ADAMTS3: variants seen among roughly 807,000 people sequenced by gnomAD.
ADAMTS3 encodes A disintegrin and metalloproteinase with thrombospondin motifs 3.
In ADAMTS3, 73 loss-of-function variants were observed where a neutral mutation model predicts 129.0. That is an observed-to-expected ratio of 0.57 (90% CI 0.47 to 0.69). ADAMTS3 has a LOEUF of 0.69. Among genes scored for constraint, ADAMTS3 ranks in the 30% least tolerant of loss-of-function variants. ADAMTS3 has a pLI of 0.00. For missense variants in ADAMTS3, 1,457 were observed against 1,514.5 expected, an observed-to-expected ratio of 0.96 and a Z score of 0.63; for synonymous variants, 477 against 510.8, an observed-to-expected ratio of 0.93 and a Z score of 0.89.
At chr4:72,410,863 C>A (rs920834132) in intron 4 of ADAMTS3, among the ~76,000 whole-genome samples, 5 of 151,932 alleles carry the variant, frequency 3.3e-5, no homozygotes, top group African/African-American at 9.7e-5. Flanking sequence ...ACATGCCTAC[C>A]ATGATGAAGT....
intron 3 of ADAMTS3, among the ~76,000 whole-genome samples, chr4:72,500,312 T>A (rs1328962890): frequency 6.6e-6 from 1 of 152,182 alleles, no homozygotes; most frequent in Non-Finnish European, 1.5e-5. Flanking sequence ...ATAATAACCA[T>A]TCTGACTGGT....
intron 3 of ADAMTS3, among the ~76,000 whole-genome samples, chr4:72,468,855 G>C (rs1166957662): frequency 6.6e-6 from 1 of 151,838 alleles, no homozygotes; most frequent in Non-Finnish European, 1.5e-5. Flanking sequence ...TCAACCACCA[G>C]TCACACATCT....
chr4:72,425,250 T>C (rs1722541585), intron 3 of ADAMTS3, among the ~76,000 whole-genome samples: 1 of 152,162 alleles, frequency 6.6e-6, no homozygotes, highest in Non-Finnish European at 1.5e-5. Context: ...AAATCTTGCT[T>C]TTCTTTAATT....
intron 3 of ADAMTS3, among the ~76,000 whole-genome samples, chr4:72,476,328 T>A (rs1257148463): frequency 6.6e-6 from 1 of 152,022 alleles, no homozygotes; most frequent in Non-Finnish European, 1.5e-5. Context: ...AATGATAGAA[T>A]GCAATGAAAA....
chr4:72,331,512 C>T (rs1222804011), intron 5 of ADAMTS3, among the ~76,000 whole-genome samples: 1 of 152,130 alleles, frequency 6.6e-6, no homozygotes, highest in Non-Finnish European at 1.5e-5. Context: ...ATCTTAAAAA[C>T]CCTTTATGAC....
chr4:72,287,511 A>T (rs1169575327), intron 21 of ADAMTS3, among the ~76,000 whole-genome samples: 3 of 151,124 alleles, frequency 2.0e-5, no homozygotes, highest in Non-Finnish European at 4.4e-5. Flanking sequence ...AAAGAGGGGA[A>T]AGAGAGAGCC....
intron 3 of ADAMTS3, 105 bp from the exon 4 acceptor site, chr4:72,415,076 C>A: frequency 1.1e-6 from 1 of 872,224 alleles, no homozygotes; most frequent in Non-Finnish European, 1.6e-6. Context: ...TGAAAACTAA[C>A]GCTTTTTCTT....
chr4:72,318,346 A>G (rs1051979806), intron 10 of ADAMTS3, among the ~76,000 whole-genome samples: 1 of 152,170 alleles, frequency 6.6e-6, no homozygotes, highest in Non-Finnish European at 1.5e-5. Flanking sequence ...TCTTGGCTTT[A>G]TCTTCTGTAA....
At chr4:72,353,840 T>A (rs1720504817) in intron 4 of ADAMTS3, among the ~76,000 whole-genome samples, 1 of 151,986 alleles carries the variant, frequency 6.6e-6, no homozygotes, top group Non-Finnish European at 1.5e-5. Flanking sequence ...ACAAAGTTGG[T>A]CTATCCAGTG....
intron 2 of ADAMTS3, among the ~76,000 whole-genome samples, 196 bp downstream of exon 2, chr4:72,567,178 C>T (rs1401153): frequency 0.42 from 64,136 of 151,952 alleles, 13,941 homozygotes; most frequent in South Asian, 0.61. Context: ...AGAATTTTTA[C>T]CTCACTATAA....
chr4:72,417,680 C>T (rs1722338411), intron 3 of ADAMTS3, among the ~76,000 whole-genome samples: 1 of 151,836 alleles, frequency 6.6e-6, no homozygotes, highest in South Asian at 2.1e-4. Flanking sequence ...CCTGTAATCC[C>T]AGCATTTTGG....
At chr4:72,389,077 C>T (rs755660014) in intron 4 of ADAMTS3, among the ~76,000 whole-genome samples, 1 of 152,170 alleles carries the variant, frequency 6.6e-6, no homozygotes, top group Non-Finnish European at 1.5e-5. Context: ...TTCAGTATCA[C>T]CCACACTGTT....
intron 4 of ADAMTS3, among the ~76,000 whole-genome samples, chr4:72,343,210 G>A (rs1188609695): frequency 1.3e-5 from 2 of 152,120 alleles, no homozygotes; most frequent in Non-Finnish European, 2.9e-5. Flanking sequence ...CCAGTGCCAT[G>A]TTGTCTCATC....
intron 3 of ADAMTS3, among the ~76,000 whole-genome samples, chr4:72,424,729 C>A (rs1281189017): frequency 6.6e-6 from 1 of 152,012 alleles, no homozygotes; most frequent in Non-Finnish European, 1.5e-5. Context: ...GTAACAGGAA[C>A]AGTTTTTCTT....
intron 3 of ADAMTS3, among the ~76,000 whole-genome samples, chr4:72,430,085 G>C (rs1722660820): frequency 6.6e-6 from 1 of 151,962 alleles, no homozygotes; most frequent in Non-Finnish European, 1.5e-5. Context: ...AATCAAATTA[G>C]GTCACTGTGG....
chr4:72,329,233 A>G (rs1560474785), intron 5 of ADAMTS3, among the ~76,000 whole-genome samples: 1 of 152,166 alleles, frequency 6.6e-6, no homozygotes. Context: ...TGAAATGGGA[A>G]TAGGTGTAAT....
At chr4:72,511,141 G>T (rs1005373064) in intron 3 of ADAMTS3, among the ~76,000 whole-genome samples, 3 of 152,072 alleles carry the variant, frequency 2.0e-5, no homozygotes, top group East Asian at 3.9e-4. Context: ...ATAGATTAAA[G>T]ACTTAAATCT....
chr4:72,480,523 C>A (rs944290671), intron 3 of ADAMTS3, among the ~76,000 whole-genome samples: 1 of 151,296 alleles, frequency 6.6e-6, no homozygotes, highest in East Asian at 1.9e-4. Context: ...GGAAGGGGAA[C>A]ATAACACTCT....
intron 2 of ADAMTS3, among the ~76,000 whole-genome samples, chr4:72,557,191 CCAA>C (rs1277105229): frequency 2.6e-5 from 4 of 151,864 alleles, no homozygotes; most frequent in Middle Eastern, 3.4e-3. Flanking sequence ...AGAAGCAGCT[CCAA>C]CAACAACATT....
Sources: gnomAD v4.1 joint callset for allele counts (sites outside exome capture counted in the v4.1 genomes callset) on GRCh38, gnomAD v4.1.1 for gene constraint, MANE v1.5 for transcripts, NCBI Gene and HGNC (gene_info 2026-07-23, HGNC 2026-07-21) for gene names.